The following FCHSD2 variants were observed in gnomAD, a reference collection of about 807,000 sequenced individuals.
The protein encoded by FCHSD2 is FCH and double SH3 domains 2.
FCHSD2 carries 38 observed loss-of-function variants against 108.1 expected under a neutral mutation model. The observed-to-expected ratio is 0.35, with a 90% CI of 0.27 to 0.46. FCHSD2 has a LOEUF of 0.46. FCHSD2 is among the 20% of genes least tolerant of loss of function. The probability of loss-of-function intolerance (pLI) is 1.00; values close to 1 mark genes in which losing one functional copy is unlikely to be tolerated. For synonymous variants in FCHSD2, 279 were observed against 314.7 expected, an observed-to-expected ratio of 0.89 and a Z score of 1.20; for missense variants, 751 against 897.8, an observed-to-expected ratio of 0.84 and a Z score of 2.09.
At chr11:72,939,611 T>C (rs1052005027) in intron 8 of FCHSD2, among the ~76,000 whole-genome samples, 4 of 26,432 alleles carry the variant, frequency 1.5e-4, no homozygotes, top group African/African-American at 2.7e-4. Context: ...TTCTTTTCCT[T>C]TTTTTTTTTT....
chr11:73,037,196 T>C (rs2135458563), intron 3 of FCHSD2, among the ~76,000 whole-genome samples: 1 of 152,280 alleles, frequency 6.6e-6, no homozygotes, highest in Middle Eastern at 3.4e-3. Context: ...CATGTATCAC[T>C]TGCCCCCACA....
At chr11:72,839,686 T>C (rs1342284404) in intron 19 of FCHSD2, among the ~76,000 whole-genome samples, 1 of 152,096 alleles carries the variant, frequency 6.6e-6, no homozygotes, top group Non-Finnish European at 1.5e-5. Context: ...AGAAGGAACA[T>C]GTCTGGAAGG....
At chr11:73,002,681 A>G (rs1265184246) in intron 4 of FCHSD2, among the ~76,000 whole-genome samples, 1 of 152,340 alleles carries the variant, frequency 6.6e-6, no homozygotes, top group South Asian at 2.1e-4. Flanking sequence ...TTCTTCTCTC[A>G]GTGTAACACC....
intron 3 of FCHSD2, among the ~76,000 whole-genome samples, chr11:73,043,035 T>C (rs1565381868): frequency 6.6e-6 from 1 of 152,228 alleles, no homozygotes; most frequent in Non-Finnish European, 1.5e-5. Flanking sequence ...CCTATTTAGA[T>C]GCCTTGAATT....
At chr11:72,954,331 C>T (rs892736782) in intron 8 of FCHSD2, among the ~76,000 whole-genome samples, 1 of 151,370 alleles carries the variant, frequency 6.6e-6, no homozygotes, top group Admixed American at 6.6e-5. Flanking sequence ...AACTCAGCCT[C>T]CTGAGTAGCT....
chr11:72,907,234 CT>C (rs1182411288), intron 9 of FCHSD2, among the ~76,000 whole-genome samples: 1 of 152,146 alleles, frequency 6.6e-6, no homozygotes, highest in Non-Finnish European at 1.5e-5. Flanking sequence ...AGATTTTGGG[CT>C]GAGACAATGG....
chr11:72,962,412 G>T (rs1320410670), intron 8 of FCHSD2, among the ~76,000 whole-genome samples: 1 of 152,100 alleles, frequency 6.6e-6, no homozygotes, highest in Non-Finnish European at 1.5e-5. Context: ...AAAGCTCTTT[G>T]ATTCCTCAAT....
chr11:72,900,536 T>C (rs946737500), intron 10 of FCHSD2, among the ~76,000 whole-genome samples: 18 of 152,058 alleles, frequency 1.2e-4, no homozygotes, highest in African/African-American at 4.3e-4. Context: ...TAACATCAAA[T>C]TAGTCATAAT....
At position 72,843,543 on chromosome 11, in the gene FCHSD2, G is replaced by A. The variant is rs373197019; in HGVS notation, c.1444-11C>T. The A allele has an allele frequency of 6.2e-6, 10 of 1,601,666 alleles. No homozygotes were observed. The highest frequency in any genetic ancestry group is 1.7e-4 in the Middle Eastern group (1 of 6,058). ...ATCTGGTTGAGAAGCCTGCAGTGTA[G>A]GATGGTCATGGACAAAATTAAAAAG... On this transcript the variant is annotated splice_polypyrimidine_tract_variant and intron_variant, in intron 14 of 19. Transcript: ENST00000409418.
intron 3 of FCHSD2, among the ~76,000 whole-genome samples, chr11:73,050,341 A>G (rs1858869249): frequency 6.6e-6 from 1 of 152,206 alleles, no homozygotes; most frequent in African/African-American, 2.4e-5. Flanking sequence ...CAATTCAACA[A>G]TATGTAGAAA....
At chr11:72,842,956 T>G (rs996747754) in intron 16 of FCHSD2, 115 bp from the exon 17 acceptor site, 1 of 945,284 alleles carries the variant, frequency 1.1e-6, no homozygotes, top group Non-Finnish European at 1.6e-6. Context: ...AGGATTAAAG[T>G]TGTAATTTTT....
intron 9 of FCHSD2, among the ~76,000 whole-genome samples, chr11:72,909,394 C>T (rs1306673244): frequency 6.6e-6 from 1 of 152,192 alleles, no homozygotes; most frequent in African/African-American, 2.4e-5. Flanking sequence ...ACAACCTCCA[C>T]CTCCCAGCTG....
At chr11:72,910,819 A>G (rs944867189) in intron 9 of FCHSD2, among the ~76,000 whole-genome samples, 1 of 140,640 alleles carries the variant, frequency 7.1e-6, no homozygotes, top group Non-Finnish European at 1.5e-5. Flanking sequence ...AGAATGATCA[A>G]TAAATACTAA....
At chr11:72,889,012 T>A (rs1315625306) in intron 11 of FCHSD2, among the ~76,000 whole-genome samples, 7 of 152,150 alleles carry the variant, frequency 4.6e-5, no homozygotes. Context: ...TGGAGTGCAG[T>A]GGCGTGATCT....
Position 72,945,931 on chromosome 11 carries a change from C to T in FCHSD2, c.706-23981G>A, listed in dbSNP as rs1183736153. Among the ~76,000 whole-genome samples, 9 of 152,284 alleles carry T rather than the reference C, an allele frequency of 5.9e-5. No individual in the cohort carries two copies. In the South Asian group the frequency reaches 6.2e-4, roughly 11 times the overall value. Reference sequence around the variant, plus strand: ...GAGGGGATGTGGAGAAATAGGAACACTTTTACACTGTTGGTGGGACTGTAA... The same window carrying T: ...GAGGGGATGTGGAGAAATAGGAACATTTTTACACTGTTGGTGGGACTGTAA... On this transcript the variant is annotated intron_variant, in intron 8 of 19. Coordinates refer to ENST00000409418, the MANE Select transcript of FCHSD2 (RefSeq NM_014824.3).
chr11:72,983,951 TA>T, intron 8 of FCHSD2, 136 bp downstream of exon 8: 1 of 739,990 alleles, frequency 1.4e-6, no homozygotes, highest in Non-Finnish European at 2.4e-6. Flanking sequence ...ATCCAAACAA[TA>T]ACAAGTATAT....
intron 3 of FCHSD2, among the ~76,000 whole-genome samples, chr11:73,052,123 G>A (rs1046661802): frequency 6.6e-6 from 1 of 152,098 alleles, no homozygotes; most frequent in African/African-American, 2.4e-5. Flanking sequence ...AAGATAGTAT[G>A]GCATTTCCTT....
chr11:72,937,508 T>G lies in FCHSD2; in HGVS notation c.706-15558A>C, dbSNP rs982146788. ...CATTTTAGGAAAGAGTTAATAAACA[T>G]GTCATGGACATATGGGACCATTAAT... On this transcript the variant is annotated intron_variant, in intron 8 of 19. Coordinates refer to ENST00000409418, the MANE Select transcript of FCHSD2 (RefSeq NM_014824.3). Among the ~76,000 whole-genome samples the G allele has an allele frequency of 5.3e-5, 8 of 152,208 alleles. 1 individual carries two copies. Among genetic ancestry groups the G allele is most frequent in the Admixed American group, 5.2e-4 (8 of 15,280 alleles).
At chr11:73,083,454 C>G (rs942088779) in intron 3 of FCHSD2, among the ~76,000 whole-genome samples, 5 of 151,670 alleles carry the variant, frequency 3.3e-5, no homozygotes, top group African/African-American at 1.2e-4. Context: ...GAGGCTGACA[C>G]AGGAGAATCG....
Sources: allele counts gnomAD v4.1 joint callset (sites outside exome capture counted in the v4.1 genomes callset), GRCh38; gene constraint gnomAD v4.1.1; transcripts MANE v1.5; gene names NCBI Gene and HGNC (gene_info 2026-07-23, HGNC 2026-07-21).